Variants in GABRG1 observed in about 807,000 individuals in gnomAD.
The protein encoded by GABRG1 is gamma-aminobutyric acid type A receptor subunit gamma1, also known as gamma-aminobutyric acid receptor subunit gamma-1.
GABRG1 carries 49 observed loss-of-function variants against 49.8 expected under a neutral mutation model. The observed-to-expected ratio is 0.98, with a 90% CI of 0.78 to 1.25. GABRG1 has a LOEUF of 1.25. Ranked by LOEUF, GABRG1 falls within the 50% of genes most tolerant of loss-of-function variation. The pLI is 0.00. For synonymous variants in GABRG1, 232 were observed against 185.1 expected, an observed-to-expected ratio of 1.25 and a Z score of -2.06; for missense variants, 552 against 552.3, an observed-to-expected ratio of 1.00 and a Z score of 0.01.
chr4:46,083,582 C>A (rs894837483), intron 3 of GABRG1, among the ~76,000 whole-genome samples: 6 of 151,634 alleles, frequency 4.0e-5, no homozygotes, highest in African/African-American at 1.5e-4. Flanking sequence ...GCTGGAAGTC[C>A]CCCTGATCTT....
chr4:46,061,603 G>C (rs959029408), intron 5 of GABRG1, among the ~76,000 whole-genome samples: 2 of 151,668 alleles, frequency 1.3e-5, no homozygotes, highest in Non-Finnish European at 2.9e-5. Flanking sequence ...ATGTATGTTA[G>C]TAAATATAAA....
intron 1 of GABRG1, among the ~76,000 whole-genome samples, chr4:46,109,576 A>T (rs930000576): frequency 6.6e-6 from 1 of 150,578 alleles, no homozygotes; most frequent in African/African-American, 2.4e-5. Context: ...GTTTGTTCTT[A>T]TTTTTCTAGT....
chr4:46,090,933 T>TACACACACACACACACACATACACAC (rs1719961588), intron 2 of GABRG1, among the ~76,000 whole-genome samples: 4 of 139,266 alleles, frequency 2.9e-5, no homozygotes, highest in Non-Finnish European at 4.7e-5. Flanking sequence ...TTCCCTGGAA[T>TACACACACACACACACACATACACAC]ACACACACAC....
intron 5 of GABRG1, among the ~76,000 whole-genome samples, chr4:46,060,803 A>G (rs1363072774): frequency 1.3e-5 from 2 of 152,108 alleles, no homozygotes; most frequent in Non-Finnish European, 2.9e-5. Flanking sequence ...TACTTTTAAA[A>G]AGTTTTAGAG....
intron 3 of GABRG1, among the ~76,000 whole-genome samples, chr4:46,068,619 GAAGCTAATACTTAT>G (rs1157683653): frequency 6.6e-6 from 1 of 152,046 alleles, no homozygotes; most frequent in Admixed American, 6.6e-5. Context: ...GCCCTTTGCA[GAAGCTAATACTTAT>G]AAGCCCTTTT....
At chr4:46,071,400 C>T (rs1719116390) in intron 3 of GABRG1, among the ~76,000 whole-genome samples, 1 of 148,844 alleles carries the variant, frequency 6.7e-6, no homozygotes, top group African/African-American at 2.5e-5. Flanking sequence ...ATAATAAATA[C>T]ATAAATGAAA....
Position 46,123,744 on chromosome 4 carries a change from A to G in GABRG1, c.104+66T>C, listed in dbSNP as rs1409499712. On this transcript the variant is annotated intron_variant, in intron 1 of 8. Coordinates refer to ENST00000295452, the MANE Select transcript of GABRG1 (RefSeq NM_173536.4). ...TACTTAAAGTGGAATAATTTTTAAA[A>G]GAAAGGGGAATAAGGGGAAAGGGGT... is the stretch of plus-strand genomic sequence containing the variant. 11 of 1,139,592 alleles carry G rather than the reference A, an allele frequency of 9.7e-6. No homozygotes were observed. In the African/African-American group the frequency reaches 1.1e-4, roughly 11 times the overall value. The allele number at this position is 1,139,592 out of a possible 1,614,324, so 70.6% of individuals were successfully genotyped here.
At chr4:46,066,988 C>A (rs962362872) in intron 3 of GABRG1, among the ~76,000 whole-genome samples, 2 of 151,492 alleles carry the variant, frequency 1.3e-5, no homozygotes, top group Admixed American at 1.3e-4. Context: ...ATATAAGTTA[C>A]TTCTGGTGGG....
At chr4:46,068,544 C>A (rs908257524) in intron 3 of GABRG1, among the ~76,000 whole-genome samples, 2 of 151,910 alleles carry the variant, frequency 1.3e-5, no homozygotes, top group Non-Finnish European at 2.9e-5. Flanking sequence ...CACAGTTGTC[C>A]CCTCAATCTA....
chr4:46,097,818 T>A (rs1224123608), intron 1 of GABRG1, among the ~76,000 whole-genome samples: 2 of 151,418 alleles, frequency 1.3e-5, no homozygotes, highest in East Asian at 3.9e-4. Context: ...TTAAGAAAAA[T>A]TGAGTAAAGG....
chr4:46,123,413 G>A (rs999649986), intron 1 of GABRG1, among the ~76,000 whole-genome samples: 3 of 152,036 alleles, frequency 2.0e-5, no homozygotes, highest in African/African-American at 7.2e-5. Context: ...ATCATGCTGT[G>A]TAACAACAAG....
At chr4:46,059,015 T>C (rs1234328709) in intron 5 of GABRG1, among the ~76,000 whole-genome samples, 2 of 152,160 alleles carry the variant, frequency 1.3e-5, no homozygotes, top group African/African-American at 4.8e-5. Flanking sequence ...TGAATTTTAT[T>C]TGATCATTCC....
Position 46,097,275 on chromosome 4 carries a change from T to A in GABRG1, c.179A>T (p.His60Leu). ...NKTWVLAPKI[H>L]EGDITQILNS... ...CAGAATTTGTGTGATATCTCCTTCA[T>A]GAATTTTTGGGGCCAAGACCCAGGT... The change falls in exon 2 of 9, where the codon CAT becomes CTT. Residue 60 changes from histidine to leucine, a missense_variant. His to Leu is a moderately conservative substitution (Grantham distance 99, BLOSUM62 -3). Transcript: ENST00000295452. The A allele has an allele frequency of 6.2e-7, 1 of 1,611,356 alleles. No individual in the cohort carries two copies. The highest frequency in any genetic ancestry group is 8.5e-7 in the Non-Finnish European group (1 of 1,178,236).
At chr4:46,119,267 T>G (rs1721024331) in intron 1 of GABRG1, among the ~76,000 whole-genome samples, 2 of 151,056 alleles carry the variant, frequency 1.3e-5, no homozygotes, top group East Asian at 3.9e-4. Context: ...CTGTAGTATC[T>G]CTCTTCTCTT....
At chr4:46,114,952 T>C (rs1720838997) in intron 1 of GABRG1, among the ~76,000 whole-genome samples, 2 of 150,908 alleles carry the variant, frequency 1.3e-5, no homozygotes, top group African/African-American at 4.8e-5. Context: ...AAAGAGTTTA[T>C]TGAGGAACAT....
At chr4:46,067,387 C>T (rs1239342329) in intron 3 of GABRG1, among the ~76,000 whole-genome samples, 1 of 151,964 alleles carries the variant, frequency 6.6e-6, no homozygotes, top group Admixed American at 6.6e-5. Flanking sequence ...TTATAAAGGG[C>T]TTAAAATATA....
chr4:46,071,331 G>A (rs1003849686), intron 3 of GABRG1, among the ~76,000 whole-genome samples: 1 of 150,602 alleles, frequency 6.6e-6, no homozygotes, highest in African/African-American at 2.4e-5. Context: ...TATGTTAACT[G>A]TATTATATAT....
intron 1 of GABRG1, among the ~76,000 whole-genome samples, chr4:46,102,232 T>C (rs1181856118): frequency 1.3e-5 from 2 of 151,778 alleles, no homozygotes; most frequent in Middle Eastern, 3.4e-3. Context: ...TGTGAGAACA[T>C]AGCTGCCTGC....
In GABRG1 at chr4:46,065,369, A is replaced by G; in HGVS notation, c.537T>C (p.Thr179=). The change falls in exon 4 of 9, where the codon ACT becomes ACC. Residue 179 remains threonine, a synonymous_variant. Transcript: ENST00000295452. ...RIWNDGRVLY[T]LRLTINAECY... ...GATTTTTAAACCAATATTACCTTAGAGTATACAGAACTCGTCCATCATTCC... is the reference window on the plus strand; with the variant it reads ...GATTTTTAAACCAATATTACCTTAGGGTATACAGAACTCGTCCATCATTCC... 6.4e-7 allele frequency: 1 copy of G among 1,568,026 alleles called. No homozygotes were observed. Among genetic ancestry groups the G allele is most frequent in the Non-Finnish European group, 8.8e-7 (1 of 1,138,564 alleles).
Sources: allele counts gnomAD v4.1 joint callset (sites outside exome capture counted in the v4.1 genomes callset), GRCh38; gene constraint gnomAD v4.1.1; transcripts MANE v1.5; gene names NCBI Gene and HGNC (gene_info 2026-07-23, HGNC 2026-07-21).